The following DAAM1 variants were observed in gnomAD, a reference collection of about 807,000 sequenced individuals.
The protein encoded by DAAM1 is disheveled-associated activator of morphogenesis 1.
A neutral mutation model predicts 130.0 loss-of-function variants in DAAM1; 52 were observed. The ratio of observed to expected loss-of-function variants is 0.40; its 90% CI spans 0.32 to 0.50. The LOEUF (loss-of-function observed/expected upper bound fraction) is 0.50. Ranked by LOEUF, DAAM1 falls within the 20% of genes least tolerant of loss-of-function variation. The probability of loss-of-function intolerance (pLI) is 0.61; values close to 1 mark genes in which losing one functional copy is unlikely to be tolerated. For missense variants in DAAM1, 1,134 were observed against 1,303.8 expected (o/e 0.87, Z 2.01); for synonymous variants, 452 against 444.5 (o/e 1.02, Z -0.21).
At chr14:59,288,830 C>G (rs1042155378) in intron 2 of DAAM1, among the ~76,000 whole-genome samples, 6 of 60,764 alleles carry the variant, frequency 9.9e-5, no homozygotes, top group African/African-American at 2.5e-4. Context: ...CCTGTGATAG[C>G]AGGAGAGAGA....
At chr14:59,213,523 G>A (rs1441099326) in intron 1 of DAAM1, among the ~76,000 whole-genome samples, 1 of 152,106 alleles carries the variant, frequency 6.6e-6, no homozygotes, top group Non-Finnish European at 1.5e-5. Context: ...TCTACCCACT[G>A]CTATTCCTAA....
At chr14:59,197,088 T>C (rs191040123) in intron 1 of DAAM1, among the ~76,000 whole-genome samples, 2 of 152,148 alleles carry the variant, frequency 1.3e-5, no homozygotes, top group African/African-American at 4.8e-5. Flanking sequence ...GCCTGGCTAG[T>C]TTTTTGTATT....
chr14:59,212,992 T>C (rs1016180535), intron 1 of DAAM1, among the ~76,000 whole-genome samples: 1 of 152,180 alleles, frequency 6.6e-6, no homozygotes, highest in African/African-American at 2.4e-5. Flanking sequence ...CACATGCTTA[T>C]GAATGAAGGA....
intron 4 of DAAM1, among the ~76,000 whole-genome samples, chr14:59,319,374 A>G (rs1884914614): frequency 6.6e-6 from 1 of 152,152 alleles, no homozygotes; most frequent in African/African-American, 2.4e-5. Context: ...TTTAGTTAAC[A>G]TTAGTTACTT....
chr14:59,346,612 A>T (rs1020351770), intron 16 of DAAM1, among the ~76,000 whole-genome samples: 2 of 152,118 alleles, frequency 1.3e-5, no homozygotes, highest in Admixed American at 1.3e-4. Context: ...ATCAAAGAAA[A>T]GGAAAAGTCT....
chr14:59,256,615 T>A (rs903128318), intron 1 of DAAM1, among the ~76,000 whole-genome samples: 6 of 152,234 alleles, frequency 3.9e-5, no homozygotes, highest in Non-Finnish European at 8.8e-5. Flanking sequence ...TTAGAAGATG[T>A]GCTCTGGTTC....
At chr14:59,252,466 A>C (rs963919774) in intron 1 of DAAM1, among the ~76,000 whole-genome samples, 1 of 152,248 alleles carries the variant, frequency 6.6e-6, no homozygotes, top group East Asian at 1.9e-4. Flanking sequence ...AAGCTTTTTT[A>C]AAAAAATGCC....
At chr14:59,343,841 C>G (rs1315781473) in intron 16 of DAAM1, among the ~76,000 whole-genome samples, 1 of 152,084 alleles carries the variant, frequency 6.6e-6, no homozygotes, top group East Asian at 1.9e-4. Flanking sequence ...AAGAGATGGC[C>G]TAAAAGGTGT....
At chr14:59,218,126 T>A (rs1018177748) in intron 1 of DAAM1, among the ~76,000 whole-genome samples, 4 of 152,044 alleles carry the variant, frequency 2.6e-5, no homozygotes, top group Non-Finnish European at 4.4e-5. Flanking sequence ...GAGGAAGATC[T>A]CATCTCCAAA....
chr14:59,271,281 A>G (rs1162877258), intron 2 of DAAM1, among the ~76,000 whole-genome samples: 3 of 152,176 alleles, frequency 2.0e-5, no homozygotes, highest in African/African-American at 7.2e-5. Context: ...ACCACTATTT[A>G]TACTACCGAG....
intron 1 of DAAM1, among the ~76,000 whole-genome samples, chr14:59,209,613 G>T (rs1160950218): frequency 6.6e-6 from 1 of 152,008 alleles, no homozygotes; most frequent in African/African-American, 2.4e-5. Context: ...TATACAATAG[G>T]CTTTGTGTTA....
rs767423173 is a variant in DAAM1, at chr14:59,368,663, G to A, written c.3011G>A (p.Arg1004His). Residue 1004 changes from arginine (R) to histidine (H), a missense_variant, in exon 25 of 25, where the codon CGT (arginine) becomes CAT (histidine). Physicochemically the swap from Arg to His is conservative, Grantham distance 29. Transcript: ENST00000360909. ...ARMEAQLKEQ[R>H]ERERKMRKAK... Reference sequence around the variant, plus strand: ...TTCTATTTGCAGCTCAAAGAACAACGTGAAAGGGAACGTAAAATGAGAAAA... The same window carrying A: ...TTCTATTTGCAGCTCAAAGAACAACATGAAAGGGAACGTAAAATGAGAAAA... The A allele has an allele frequency of 1.6e-5, 25 of 1,612,894 alleles. 1 individual carries two copies. Among genetic ancestry groups the A allele is most frequent in the East Asian group, 1.1e-4 (5 of 44,828 alleles).
intron 5 of DAAM1, among the ~76,000 whole-genome samples, chr14:59,321,903 CT>C (rs367592712): frequency 1.0e-3 from 156 of 152,278 alleles, no homozygotes; most frequent in African/African-American, 3.5e-3. Context: ...GGTTATGTTA[CT>C]TCTGAACTTT....
At chr14:59,237,235 G>C (rs1276154535) in intron 1 of DAAM1, among the ~76,000 whole-genome samples, 1 of 152,176 alleles carries the variant, frequency 6.6e-6, no homozygotes, top group Admixed American at 6.5e-5. Context: ...TGTTCTGTCA[G>C]AATAGAATGT....
At chr14:59,258,361 G>T (rs1449918570) in intron 1 of DAAM1, among the ~76,000 whole-genome samples, 1 of 152,140 alleles carries the variant, frequency 6.6e-6, no homozygotes, top group Non-Finnish European at 1.5e-5. Context: ...AAGTTGTTAA[G>T]GGCCAGTGCA....
chr14:59,244,150 T>C (rs1881252044), intron 1 of DAAM1, among the ~76,000 whole-genome samples: 1 of 152,122 alleles, frequency 6.6e-6, no homozygotes, highest in Admixed American at 6.5e-5. Context: ...TCTAATTCTC[T>C]CTTGCCCGCC....
rs114668068 is a variant in DAAM1 at position 59,331,606 on chromosome 14, C to T, written c.1860+98C>T. 579 of 1,509,890 alleles carry T rather than the reference C, an allele frequency of 3.8e-4. 1 individual carries two copies. In the African/African-American group the frequency reaches 7.4e-3, roughly 19 times the overall value. 93.5% of individuals were successfully genotyped at this position (1,509,890 alleles called of 1,614,324 possible). On this transcript the variant is annotated intron_variant, in intron 14 of 24. Transcript: ENST00000360909. ...AACAGCCCTGGCTGTTAAATGATTT[C>T]ATTTTCTAATGTGGACCAAGAGTTC...
At chr14:59,292,464 ACT>A (rs1455941693) in intron 3 of DAAM1, among the ~76,000 whole-genome samples, 2 of 151,856 alleles carry the variant, frequency 1.3e-5, no homozygotes, top group Non-Finnish European at 2.9e-5. Context: ...CAATAAAGGG[ACT>A]CTCTCTAGCA....
intron 1 of DAAM1, among the ~76,000 whole-genome samples, chr14:59,230,537 A>C (rs1889073842): frequency 6.6e-6 from 1 of 152,162 alleles, no homozygotes. Flanking sequence ...TCTAAAAATC[A>C]AAACAGTTGA....
Sources: gnomAD v4.1 joint callset for allele counts (sites outside exome capture counted in the v4.1 genomes callset) on GRCh38, gnomAD v4.1.1 for gene constraint, MANE v1.5 for transcripts, NCBI Gene and HGNC (gene_info 2026-07-23, HGNC 2026-07-21) for gene names.